Variants in LMO3 observed in about 807,000 individuals in gnomAD.
The protein encoded by LMO3 is LIM domain only protein 3.
A neutral mutation model predicts 15.8 loss-of-function variants in LMO3; 2 were observed. That is an observed-to-expected ratio of 0.13 (90% CI 0.05 to 0.40). LMO3 has a LOEUF of 0.40. LMO3 is among the 10% of genes least tolerant of loss of function. The pLI is 0.99. For synonymous variants in LMO3, 62 were observed against 63.8 expected (o/e 0.97, Z 0.13); for missense variants, 86 against 182.2 (o/e 0.47, Z 3.04).
chr12:16,609,843 T>G (rs1418391478), upstream of LMO3: 1 of 152,138 alleles, frequency 6.6e-6, no homozygotes, highest in Non-Finnish European at 1.5e-5. Context: ...CCTCACAGAT[T>G]ACTTTTGTGT....
rs1941873962 is a variant in LMO3 at position 16,548,563 on chromosome 12, A to G, written c.*2659T>C. 1 of 152,120 alleles carries G rather than the reference A, an allele frequency of 6.6e-6. No homozygotes were observed. The highest frequency in any genetic ancestry group is 2.4e-5 in the African/African-American group (1 of 41,412). The allele number at this position is 152,120 out of a possible 1,614,324, so 9.4% of individuals were successfully genotyped here. On this transcript the variant is annotated 3_prime_UTR_variant, in exon 4 of 4. Transcript: ENST00000537304. This position sits in a 1 kb window ranked among gnomAD's most constrained non-coding sequence, Gnocchi z 4.2. ...CAGCCTATGCGAGATGCATCTTAGG[A>G]AGGGAGCTTTCGCTGCTCAGAAATC...
chr12:16,553,461 G>C (rs1942070208), intron 3 of LMO3, among the ~76,000 whole-genome samples: 2 of 152,126 alleles, frequency 1.3e-5, no homozygotes, highest in African/African-American at 4.8e-5. Flanking sequence ...GGTATATATA[G>C]AGCAACAGAG....
chr12:16,594,335 C>A, intron 2 of LMO3: 15 of 1,358,648 alleles, frequency 1.1e-5, no homozygotes, highest in South Asian at 3.6e-5. Context: ...GCCAATTAAA[C>A]TAAAAAATAA....
rs749800589 is a variant in LMO3 at position 16,555,863 on chromosome 12, T to G, written c.333-4536A>C. Among the ~76,000 whole-genome samples, 1 of 152,162 alleles carries G rather than the reference T, an allele frequency of 6.6e-6. No homozygotes were observed. Among genetic ancestry groups the G allele is most frequent in the Non-Finnish European group, 1.5e-5 (1 of 68,018 alleles). Reference sequence around the variant, plus strand: ...CAACCCCGAGCAGACACACTTCCTGTAAGTCAACCAGTTCTAGGGAGTTCT... The same window carrying G: ...CAACCCCGAGCAGACACACTTCCTGGAAGTCAACCAGTTCTAGGGAGTTCT... On this transcript the variant is annotated intron_variant, in intron 3 of 3. Coordinates refer to ENST00000537304, the MANE Select transcript of LMO3 (RefSeq NM_018640.5). The surrounding 1 kb of genome is among the most constrained non-coding windows in gnomAD (Gnocchi z 5.5).
rs199601375 is a variant in LMO3 at position 16,604,563 on chromosome 12, T to TA, written c.-9+1502dup. On this transcript the variant is annotated intron_variant, in intron 1 of 3. Transcript: ENST00000537304. This position sits in a 1 kb window ranked among gnomAD's most constrained non-coding sequence, Gnocchi z 5.3. ...ATTTTGATGCAGCTCACATGCAAAA[T>TA]AAAAAAAAAAAATAAGAAACATACA... is the stretch of plus-strand genomic sequence containing the variant. The TA allele has an allele frequency of 0.34, 103,008 of 298,604 alleles. 12,227 individuals are homozygous for TA. The highest frequency in any genetic ancestry group is 0.39 in the Non-Finnish European group (63,804 of 162,060). 18.5% of individuals were successfully genotyped at this position (298,604 alleles called of 1,614,324 possible). A position where few individuals can be genotyped will look rare whatever the true frequency, so the allele number is the denominator to read the frequency against.
chr12:16,609,856 G>A (rs1434597990), upstream of LMO3: 5 of 151,822 alleles, frequency 3.3e-5, no homozygotes, highest in African/African-American at 7.3e-5. Context: ...TTTTGTGTGC[G>A]GGTGTTCAGT....
intron 1 of LMO3, 93 bp from the exon 2 acceptor site, chr12:16,600,961 T>C (rs1387984510): frequency 1.1e-6 from 1 of 936,282 alleles, no homozygotes; most frequent in East Asian, 2.6e-5. Context: ...TTCCTTATTC[T>C]AGGAGTGTTA....
rs1385143633 is a variant in LMO3, at chr12:16,550,518, G to A, written c.*704C>T. 1 of 152,170 alleles carries A rather than the reference G, an allele frequency of 6.6e-6. No homozygotes were observed. The highest frequency in any genetic ancestry group is 2.4e-5 in the African/African-American group (1 of 41,338). The allele number at this position is 152,170 out of a possible 1,614,324, so 9.4% of individuals were successfully genotyped here. On this transcript the variant is annotated 3_prime_UTR_variant, in exon 4 of 4. Transcript: ENST00000537304. The stretch of plus-strand genomic sequence containing the variant: ...TTCTAAAAATGGCACTTTTCACGTT[G>A]GTATAAAATGAAAGTGCTTTAAGAT...
chr12:16,600,999 A>G (rs1318382629), intron 1 of LMO3, 131 bp from the exon 2 acceptor site: 4 of 667,710 alleles, frequency 6.0e-6, no homozygotes, highest in Non-Finnish European at 9.7e-6. Context: ...CTATACTGAA[A>G]TCAAACCCAA....
At chr12:16,609,087 T>G (rs1944080356), upstream of LMO3, 1 of 152,176 alleles carries the variant, frequency 6.6e-6, no homozygotes, top group African/African-American at 2.4e-5. Flanking sequence ...ATATGAATTA[T>G]TCACAGAAAA....
rs1334704874 is a variant in LMO3 at position 16,587,793 on chromosome 12, T to A, written c.206+12862A>T. 1.3e-5 allele frequency among the ~76,000 whole-genome samples: 2 copies of A among 152,176 alleles called. No individual in the cohort carries two copies. The highest frequency in any genetic ancestry group is 3.9e-4 in the East Asian group (2 of 5,158). On this transcript the variant is annotated intron_variant, in intron 2 of 3. Transcript: ENST00000537304. The surrounding 1 kb of genome is among the most constrained non-coding windows in gnomAD (Gnocchi z 4.3). ...GCATTTATCTGTCTAAAAATCTCAC[T>A]GTGTCCTGAATGGGGGGTTTCAGGG...
At position 16,604,712 on chromosome 12, in the gene LMO3, T is replaced by C. The variant is rs544150170; in HGVS notation, c.-9+1354A>G. ...TATTTGTTGCATCTAGCAAGATTAA[T>C]TGGTTTAAGCAGCAGTCTTTCAAAG... On this transcript the variant is annotated intron_variant, in intron 1 of 3. Coordinates refer to ENST00000537304, the MANE Select transcript of LMO3 (RefSeq NM_018640.5). The surrounding 1 kb of genome is among the most constrained non-coding windows in gnomAD (Gnocchi z 5.3). The C allele has an allele frequency of 2.4e-5, 19 of 778,362 alleles. No homozygotes were observed. The highest frequency in any genetic ancestry group is 2.2e-4 in the South Asian group (13 of 58,608). 48.2% of individuals were successfully genotyped at this position (778,362 alleles called of 1,614,324 possible).
intron 2 of LMO3, among the ~76,000 whole-genome samples, chr12:16,571,245 A>G (rs143892217): frequency 1.5e-3 from 229 of 152,216 alleles, no homozygotes; most frequent in African/African-American, 5.0e-3. Context: ...TCATCCTTGT[A>G]TTTAACTAAG....
Position 16,551,240 on chromosome 12 carries a change from A to G in LMO3, c.420T>C (p.Tyr140=), listed in dbSNP as rs747571079. 144 of 1,610,064 alleles carry G rather than the reference A, an allele frequency of 8.9e-5. 1 individual carries two copies. The highest frequency in any genetic ancestry group is 1.2e-4 in the Non-Finnish European group (143 of 1,176,490). ...DYEEGLMKEG[Y]APQVR Reference sequence around the variant, plus strand: ...TGATAGATCAGCGAACCTGGGGTGCATAACCTTCTTTCATTAAACCTTCCT... The same window carrying G: ...TGATAGATCAGCGAACCTGGGGTGCGTAACCTTCTTTCATTAAACCTTCCT... Residue 140 remains tyrosine, a synonymous_variant, in exon 4 of 4, where the codon TAT becomes TAC. Coordinates refer to ENST00000537304, the MANE Select transcript of LMO3 (RefSeq NM_018640.5).
At chr12:16,595,298 G>A (rs1354344818) in intron 2 of LMO3, among the ~76,000 whole-genome samples, 1 of 151,262 alleles carries the variant, frequency 6.6e-6, no homozygotes, top group Non-Finnish European at 1.5e-5. Context: ...TATATTATTG[G>A]TAAATACTCA....
At chr12:16,606,344 C>T, upstream of LMO3, 1 of 152,856 alleles carries the variant, frequency 6.5e-6, no homozygotes, top group Non-Finnish European at 1.5e-5. Context: ...CTTACCCCAG[C>T]AGCGTGCGAG....
Position 16,591,623 on chromosome 12 carries a change from G to C in LMO3, c.206+9032C>G, listed in dbSNP as rs1405624055. On this transcript the variant is annotated intron_variant, in intron 2 of 3. Coordinates refer to ENST00000537304, the MANE Select transcript of LMO3 (RefSeq NM_018640.5). This position sits in a 1 kb window ranked among gnomAD's most constrained non-coding sequence, Gnocchi z 4.1. Reference sequence around the variant, plus strand: ...TGAATGAAAAAATGGGAATGGGGATGATTGTTTTGCAAGAGGTATCAATTG... The same window carrying C: ...TGAATGAAAAAATGGGAATGGGGATCATTGTTTTGCAAGAGGTATCAATTG... 6.6e-6 allele frequency among the ~76,000 whole-genome samples: 1 copy of C among 152,034 alleles called. No individual in the cohort carries two copies. The highest frequency in any genetic ancestry group is 2.4e-5 in the African/African-American group (1 of 41,418).
In LMO3 at chr12:16,553,149, A is replaced by C. The variant is rs1942055014; in HGVS notation, c.333-1822T>G. 1.3e-5 allele frequency among the ~76,000 whole-genome samples: 2 copies of C among 152,112 alleles called. 1 individual carries two copies. The highest frequency in any genetic ancestry group is 4.1e-4 in the South Asian group (2 of 4,826). Reference sequence around the variant, plus strand: ...ATGTACATGATCACATTTATTCCCTACATCCAACCTAGAAAGTAAGCATTG... The same window carrying C: ...ATGTACATGATCACATTTATTCCCTCCATCCAACCTAGAAAGTAAGCATTG... On this transcript the variant is annotated intron_variant, in intron 3 of 3. Coordinates refer to ENST00000537304, the MANE Select transcript of LMO3 (RefSeq NM_018640.5).
Position 16,599,709 on chromosome 12 carries a change from A to G in LMO3, c.206+946T>C, listed in dbSNP as rs1254781256. The G allele has an allele frequency of 1.3e-5, 2 of 152,178 alleles. No individual in the cohort carries two copies. The highest frequency in any genetic ancestry group is 1.3e-4 in the Admixed American group (2 of 15,276). The allele number at this position is 152,178 out of a possible 1,614,324, so 9.4% of individuals were successfully genotyped here. The stretch of plus-strand genomic sequence containing the variant: ...ATATAAGTAATTTGCAGCTGAAGTA[A>G]GTCACAAAGTTGCCTGAAAAGCAAA... On this transcript the variant is annotated intron_variant, in intron 2 of 3. Coordinates refer to ENST00000537304, the MANE Select transcript of LMO3 (RefSeq NM_018640.5). The surrounding 1 kb of genome is among the most constrained non-coding windows in gnomAD (Gnocchi z 4.1).
Sources: allele counts gnomAD v4.1 joint callset (sites outside exome capture counted in the v4.1 genomes callset), GRCh38; gene constraint gnomAD v4.1.1; non-coding constraint Gnocchi (gnomAD v3.1); transcripts MANE v1.5; gene names NCBI Gene and HGNC (gene_info 2026-07-23, HGNC 2026-07-21).